TMEM182: variants seen among roughly 807,000 people sequenced by gnomAD.
TMEM182 encodes the protein transmembrane protein 182.
TMEM182 carries 20 observed loss-of-function variants against 26.8 expected under a neutral mutation model. The ratio of observed to expected loss-of-function variants is 0.75; its 90% CI spans 0.53 to 1.09. The LOEUF (loss-of-function observed/expected upper bound fraction) is 1.09, where lower values mean the gene tolerates loss of function less well. TMEM182 is among the 50% of genes least tolerant of loss of function. The pLI, the probability that TMEM182 is intolerant of heterozygous loss-of-function variation, is 0.00. For synonymous variants in TMEM182, 109 were observed against 102.2 expected (o/e 1.07, Z -0.40); for missense variants, 277 against 275.5 (o/e 1.01, Z -0.04).
At chr2:102,827,302 G>T (rs1683052157) in intron 3 of TMEM182, among the ~76,000 whole-genome samples, 1 of 152,188 alleles carries the variant, frequency 6.6e-6, no homozygotes, top group South Asian at 2.1e-4. Flanking sequence ...TGCTCACAAT[G>T]CAGGGGAAAT....
intron 4 of TMEM182, among the ~76,000 whole-genome samples, chr2:102,804,677 C>T (rs1467223544): frequency 1.3e-5 from 2 of 151,898 alleles, no homozygotes; most frequent in Non-Finnish European, 1.5e-5. Context: ...AATAGGAAAC[C>T]GAATATTTTA....
chr2:102,800,339 G>A (rs537648590), intron 4 of TMEM182, among the ~76,000 whole-genome samples: 2 of 152,202 alleles, frequency 1.3e-5, no homozygotes, highest in African/African-American at 4.8e-5. Flanking sequence ...CTTTCTATCT[G>A]TATGGGTTTG....
chr2:102,800,019 T>TAAAA (rs112383210), intron 4 of TMEM182, among the ~76,000 whole-genome samples: 1 of 147,460 alleles, frequency 6.8e-6, no homozygotes, highest in African/African-American at 2.5e-5. Context: ...TTTAAAGAGC[T>TAAAA]AAAAAAAAAA....
chr2:102,763,851 A>G (rs1450157254), intron 2 of TMEM182, among the ~76,000 whole-genome samples: 1 of 152,236 alleles, frequency 6.6e-6, no homozygotes, highest in Non-Finnish European at 1.5e-5. Flanking sequence ...TTAAAAATTT[A>G]TTTGAATTAT....
At chr2:102,750,980 T>C (rs1200773112) in intron 1 of TMEM182, among the ~76,000 whole-genome samples, 1 of 152,224 alleles carries the variant, frequency 6.6e-6, no homozygotes. Flanking sequence ...TATAGCCGCC[T>C]TCTTGCTGTG....
intron 3 of TMEM182, among the ~76,000 whole-genome samples, chr2:102,776,543 T>C (rs1035478277): frequency 2.6e-5 from 4 of 152,166 alleles, no homozygotes; most frequent in Admixed American, 6.5e-5. Flanking sequence ...GGGTGTATCA[T>C]TGTTTATGCA....
intron 3 of TMEM182, among the ~76,000 whole-genome samples, chr2:102,825,040 A>C (rs1350920406): frequency 6.6e-6 from 1 of 152,216 alleles, no homozygotes; most frequent in Non-Finnish European, 1.5e-5. Flanking sequence ...AATTGCTTTC[A>C]TAACATTGTT....
chr2:102,750,338 C>T (rs1278924240), intron 1 of TMEM182, among the ~76,000 whole-genome samples: 1 of 152,168 alleles, frequency 6.6e-6, no homozygotes, highest in African/African-American at 2.4e-5. Flanking sequence ...GATTTGAAAA[C>T]TGAAATAGAC....
chr2:102,817,196 T>C lies in TMEM182; in HGVS notation c.*2228T>C. ...AGTACATTATTGTAGCAACCTTATA[T>C]CTGATTTGAGATACTGTGTTGCCAA... On this transcript the variant is annotated 3_prime_UTR_variant, in exon 5 of 5. Transcript: ENST00000412401. 1.0e-6 allele frequency: 1 copy of C among 985,388 alleles called. No homozygotes were observed. Among genetic ancestry groups the C allele is most frequent in the Non-Finnish European group, 1.2e-6 (1 of 829,868 alleles). 61.0% of individuals were successfully genotyped at this position (985,388 alleles called of 1,614,324 possible).
chr2:102,786,041 A>ATTTTT (rs35677242), intron 3 of TMEM182, among the ~76,000 whole-genome samples: 1 of 135,802 alleles, frequency 7.4e-6, no homozygotes, highest in African/African-American at 2.7e-5. Context: ...GTGTAGATTG[A>ATTTTT]TTTTTTTTTT....
chr2:102,828,737 A>T (rs146834524), intron 3 of TMEM182, among the ~76,000 whole-genome samples: 1 of 152,308 alleles, frequency 6.6e-6, no homozygotes, highest in African/African-American at 2.4e-5. Context: ...AGCTCAGTAG[A>T]TGTCGGCTAG....
chr2:102,764,265 A>G (rs1189195094), intron 2 of TMEM182, 64 bp from the exon 3 acceptor site: 1 of 1,498,648 alleles, frequency 6.7e-7, no homozygotes, highest in African/African-American at 1.4e-5. Context: ...TTTCTGTTCC[A>G]TTAAGGATGA....
intron 3 of TMEM182, among the ~76,000 whole-genome samples, chr2:102,766,403 T>C (rs1238579582): frequency 1.3e-5 from 2 of 152,200 alleles, no homozygotes; most frequent in Non-Finnish European, 2.9e-5. Context: ...AAATTCCTCA[T>C]TGGCACACGT....
chr2:102,790,734 A>G (rs1488090392), intron 3 of TMEM182, among the ~76,000 whole-genome samples: 13 of 152,202 alleles, frequency 8.5e-5, no homozygotes. Flanking sequence ...CCATTCAGAT[A>G]TACCCAAGAC....
chr2:102,799,307 C>T (rs1292777697), intron 4 of TMEM182, among the ~76,000 whole-genome samples: 1 of 152,098 alleles, frequency 6.6e-6, no homozygotes, highest in Non-Finnish European at 1.5e-5. Flanking sequence ...TCAGGTAACA[C>T]AATACTTTCT....
At chr2:102,744,246 A>T (rs906530044) in intron 1 of TMEM182, among the ~76,000 whole-genome samples, 1 of 152,206 alleles carries the variant, frequency 6.6e-6, no homozygotes, top group African/African-American at 2.4e-5. Context: ...AATCAGTAAC[A>T]GAAAATAGCT....
chr2:102,757,062 G>A (rs1282796353), upstream of TMEM182, among the ~76,000 whole-genome samples: 3 of 152,064 alleles, frequency 2.0e-5, no homozygotes, highest in South Asian at 2.1e-4. Flanking sequence ...CACCTGCCTC[G>A]GCCTCCCAAA....
At chr2:102,814,692 G>C in intron 4 of TMEM182, 56 bp from the exon 5 acceptor site, 2 of 1,507,168 alleles carry the variant, frequency 1.3e-6, no homozygotes, top group East Asian at 2.4e-5. Context: ...TTTAGATAGC[G>C]TTCTTGAGAA....
intron 1 of TMEM182, among the ~76,000 whole-genome samples, chr2:102,747,732 A>G (rs1468130765): frequency 6.6e-6 from 1 of 152,238 alleles, no homozygotes; most frequent in Non-Finnish European, 1.5e-5. Flanking sequence ...AGGGTCTTGT[A>G]TAGACAGATT....
Sources: gnomAD v4.1 joint callset for allele counts (sites outside exome capture counted in the v4.1 genomes callset) on GRCh38, gnomAD v4.1.1 for gene constraint, MANE v1.5 for transcripts, NCBI Gene and HGNC (gene_info 2026-07-23, HGNC 2026-07-21) for gene names.